The following NDC1 variants were observed in gnomAD, a reference collection of about 807,000 sequenced individuals.
NDC1 encodes NDC1 transmembrane nucleoporin, also known as nucleoporin NDC1.
A neutral mutation model predicts 89.8 loss-of-function variants in NDC1; 24 were observed. The observed-to-expected ratio is 0.27, with a 90% CI of 0.19 to 0.38. The LOEUF (loss-of-function observed/expected upper bound fraction) is 0.38. Among genes scored for constraint, NDC1 ranks in the 10% least tolerant of loss-of-function variants. The probability of loss-of-function intolerance (pLI) is 1.00; values close to 1 mark genes in which losing one functional copy is unlikely to be tolerated. For synonymous variants in NDC1, 296 were observed against 284.8 expected (o/e 1.04, Z -0.39); for missense variants, 728 against 797.6 (o/e 0.91, Z 1.05).
In NDC1 at chr1:53,766,639, G is replaced by A. The variant is rs1647068113; in HGVS notation, c.*1331C>T. 1 of 152,126 alleles carries A rather than the reference G, an allele frequency of 6.6e-6. No individual in the cohort carries two copies. The highest frequency in any genetic ancestry group is 2.1e-4 in the South Asian group (1 of 4,828). 9.4% of individuals were successfully genotyped at this position (152,126 alleles called of 1,614,324 possible). A position where few individuals can be genotyped will look rare whatever the true frequency, so the allele number is the denominator to read the frequency against. ...GCATGTACTGCTTGAAGGGGCAACA[G>A]GACCCGGAGCTAAAATATTCAATTA... On this transcript the variant is annotated 3_prime_UTR_variant, in exon 18 of 18. Transcript: ENST00000371429.
chr1:53,807,295 A>C (rs1055672768), intron 8 of NDC1, among the ~76,000 whole-genome samples: 4 of 151,844 alleles, frequency 2.6e-5, no homozygotes, highest in Non-Finnish European at 4.4e-5. Flanking sequence ...CACATATTTA[A>C]ATATTTTAAT....
intron 2 of NDC1, among the ~76,000 whole-genome samples, chr1:53,833,994 G>C (rs1649151613): frequency 1.3e-5 from 2 of 151,648 alleles, no homozygotes; most frequent in South Asian, 4.2e-4. Context: ...CCACACCCAG[G>C]CTGGTCATAA....
At chr1:53,771,371 T>A (rs1036323531) in intron 17 of NDC1, among the ~76,000 whole-genome samples, 2 of 152,208 alleles carry the variant, frequency 1.3e-5, no homozygotes, top group Non-Finnish European at 2.9e-5. Context: ...AATTTTAACA[T>A]CTCTATGCCT....
At chr1:53,779,573 A>C (rs747275976) in intron 16 of NDC1, among the ~76,000 whole-genome samples, 14 of 152,156 alleles carry the variant, frequency 9.2e-5, no homozygotes, top group Non-Finnish European at 1.9e-4. Context: ...AAGAAATGCA[A>C]AACTCTGCCA....
rs1227965568 is a variant in NDC1, at chr1:53,767,513, T to C, written c.*457A>G. 1 of 152,402 alleles carries C rather than the reference T, an allele frequency of 6.6e-6. No individual in the cohort carries two copies. Among genetic ancestry groups the C allele is most frequent in the East Asian group, 1.9e-4 (1 of 5,204 alleles). The allele number at this position is 152,402 out of a possible 1,614,324, so 9.4% of individuals were successfully genotyped here. A position where few individuals can be genotyped will look rare whatever the true frequency, so the allele number is the denominator to read the frequency against. ...TATTGCTGCACTGTTACCATTTTTA[T>C]CCTTCAGTAAATGAAACTACACTTA... On this transcript the variant is annotated 3_prime_UTR_variant, in exon 18 of 18. Coordinates refer to ENST00000371429, the MANE Select transcript of NDC1 (RefSeq NM_018087.5).
At chr1:53,772,100 T>C (rs1647118258) in intron 17 of NDC1, among the ~76,000 whole-genome samples, 2 of 152,116 alleles carry the variant, frequency 1.3e-5, no homozygotes, top group Admixed American at 6.5e-5. Flanking sequence ...GCTGCATTTA[T>C]AACTTTCTGT....
chr1:53,830,360 A>G (rs1207858706), intron 3 of NDC1, among the ~76,000 whole-genome samples: 1 of 152,002 alleles, frequency 6.6e-6, no homozygotes, highest in Non-Finnish European at 1.5e-5. Flanking sequence ...CGGCTGAGGC[A>G]GGAGAATTGC....
chr1:53,827,915 A>G (rs1353328435), intron 4 of NDC1, 84 bp downstream of exon 4: 3 of 1,018,072 alleles, frequency 2.9e-6, no homozygotes, highest in African/African-American at 1.6e-5. Flanking sequence ...GAAAGCAAAG[A>G]ATACTCATAG....
chr1:53,822,731 C>A (rs1489992691), intron 5 of NDC1, among the ~76,000 whole-genome samples: 2 of 151,290 alleles, frequency 1.3e-5, no homozygotes, highest in Non-Finnish European at 2.9e-5. Flanking sequence ...CAGGTAGCAT[C>A]AAAAATAATG....
At chr1:53,831,534 G>A (rs61774815) in intron 3 of NDC1, among the ~76,000 whole-genome samples, 10 of 151,244 alleles carry the variant, frequency 6.6e-5, no homozygotes, top group Non-Finnish European at 1.0e-4. Flanking sequence ...TTAGCCGGGC[G>A]TGGTGGCGCG....
At chr1:53,822,908 G>A (rs983383974) in intron 5 of NDC1, among the ~76,000 whole-genome samples, 1 of 152,072 alleles carries the variant, frequency 6.6e-6, no homozygotes, top group African/African-American at 2.4e-5. Context: ...AATGGGAATG[G>A]GCCTGACTTC....
At chr1:53,786,651 A>C (rs941792924) in intron 16 of NDC1, among the ~76,000 whole-genome samples, 1 of 152,154 alleles carries the variant, frequency 6.6e-6, no homozygotes, top group African/African-American at 2.4e-5. Flanking sequence ...TGTTTCTGTA[A>C]AATTTTATAA....
intron 16 of NDC1, among the ~76,000 whole-genome samples, chr1:53,775,714 G>A (rs1341074662): frequency 6.6e-6 from 1 of 151,682 alleles, no homozygotes; most frequent in Non-Finnish European, 1.5e-5. Context: ...AGCAAATTTT[G>A]GTGCACAAAT....
chr1:53,803,543 T>A (rs565661142), intron 10 of NDC1, among the ~76,000 whole-genome samples: 1 of 152,172 alleles, frequency 6.6e-6, no homozygotes, highest in Non-Finnish European at 1.5e-5. Context: ...ATTAAATACA[T>A]CTTTCTCACC....
chr1:53,836,351 C>T (rs1649231000), intron 1 of NDC1, among the ~76,000 whole-genome samples: 1 of 150,930 alleles, frequency 6.6e-6, no homozygotes, highest in East Asian at 2.0e-4. Flanking sequence ...AGTTTGAGAC[C>T]AGCCTGGCCA....
chr1:53,794,670 G>A (rs895565672), intron 13 of NDC1, among the ~76,000 whole-genome samples: 4 of 152,156 alleles, frequency 2.6e-5, no homozygotes, highest in African/African-American at 9.7e-5. Flanking sequence ...AAGAGTTTGA[G>A]ATCAGCCTGG....
intron 9 of NDC1, 23 bp from the exon 10 acceptor site, chr1:53,804,032 A>T (rs766812362): frequency 1.3e-6 from 2 of 1,568,336 alleles, no homozygotes; most frequent in East Asian, 2.2e-5. Context: ...AAAAACACAT[A>T]TTATTTAATT....
At chr1:53,820,303 TAATGTTTAAAG>T (rs1348931944) in intron 5 of NDC1, among the ~76,000 whole-genome samples, 1 of 151,292 alleles carries the variant, frequency 6.6e-6, no homozygotes, top group African/African-American at 2.4e-5. Flanking sequence ...AAAAATCTCA[TAATGTTTAAAG>T]AAAGTTTATG....
rs1009597643 is a variant in NDC1 at position 53,767,770 on chromosome 1, A to G, written c.*200T>C. ...ACCACACACACAAAAAGCAATCGGT[A>G]CAGAAAAGGCAGTTTTCAGTTATTC... is the stretch of plus-strand genomic sequence containing the variant. On this transcript the variant is annotated 3_prime_UTR_variant, in exon 18 of 18. Transcript: ENST00000371429. The G allele has an allele frequency of 2.4e-6, 1 of 419,202 alleles. No homozygotes were observed. The highest frequency in any genetic ancestry group is 4.3e-6 in the Non-Finnish European group (1 of 234,536). The allele number at this position is 419,202 out of a possible 1,614,324, so 26.0% of individuals were successfully genotyped here.
Sources: allele counts gnomAD v4.1 joint callset (sites outside exome capture counted in the v4.1 genomes callset), GRCh38; gene constraint gnomAD v4.1.1; transcripts MANE v1.5; gene names NCBI Gene and HGNC (gene_info 2026-07-23, HGNC 2026-07-21).